PCDHA10: variants seen among roughly 807,000 people sequenced by gnomAD.
PCDHA10 encodes the protein protocadherin alpha-10.
In PCDHA10, 45 loss-of-function variants were observed where a neutral mutation model predicts 61.2. The ratio of observed to expected loss-of-function variants is 0.74; its 90% CI spans 0.58 to 0.94. PCDHA10 has a LOEUF of 0.94. Ranked by LOEUF, PCDHA10 falls within the 40% of genes least tolerant of loss-of-function variation. The pLI is 0.00. For synonymous variants in PCDHA10, 602 were observed against 548.8 expected (o/e 1.10, Z -1.35); for missense variants, 1,278 against 1,236.2 (o/e 1.03, Z -0.51).
chr5:140,959,320 A>C (rs2095480939), intron 1 of PCDHA10, among the ~76,000 whole-genome samples: 1 of 152,108 alleles, frequency 6.6e-6, no homozygotes, highest in Non-Finnish European at 1.5e-5. Context: ...AGCTGCAATA[A>C]GTTTTGATTA....
At chr5:140,951,626 C>G (rs1182328214) in intron 1 of PCDHA10, among the ~76,000 whole-genome samples, 1 of 152,180 alleles carries the variant, frequency 6.6e-6, no homozygotes, top group East Asian at 1.9e-4. Context: ...AAGGGGGAAA[C>G]CTGCCCCATG....
At chr5:140,866,935 T>C (rs782742299) in intron 1 of PCDHA10, 3 of 152,114 alleles carry the variant, frequency 2.0e-5, no homozygotes, top group African/African-American at 4.8e-5. Context: ...GCGCATAATC[T>C]CTTCACTAGG....
intron 1 of PCDHA10, among the ~76,000 whole-genome samples, chr5:140,957,961 G>C (rs1188264296): frequency 6.6e-6 from 1 of 152,048 alleles, no homozygotes; most frequent in Non-Finnish European, 1.5e-5. Flanking sequence ...TATTAATTCA[G>C]AGATGCTGTA....
At chr5:140,973,984 C>CT (rs2096610197) in intron 1 of PCDHA10, among the ~76,000 whole-genome samples, 1 of 152,186 alleles carries the variant, frequency 6.6e-6, no homozygotes, top group East Asian at 1.9e-4. Flanking sequence ...TTTTACAGAA[C>CT]TTCACCTGGA....
chr5:140,951,008 G>A (rs563188363), intron 1 of PCDHA10, among the ~76,000 whole-genome samples: 2 of 151,974 alleles, frequency 1.3e-5, no homozygotes, highest in South Asian at 4.2e-4. Flanking sequence ...TTTTTCCCAA[G>A]ATCAGGCAGT....
chr5:140,993,462 TCACACACACACACACA>T (rs3836747), intron 3 of PCDHA10, among the ~76,000 whole-genome samples: 191 of 141,044 alleles, frequency 1.4e-3, no homozygotes, highest in African/African-American at 3.8e-3. Context: ...TCTTTCTTTC[TCACACACACACACACA>T]CACACACACA....
chr5:141,004,037 G>C (rs946974688), intron 3 of PCDHA10, among the ~76,000 whole-genome samples: 1 of 152,200 alleles, frequency 6.6e-6, no homozygotes, highest in African/African-American at 2.4e-5. Context: ...TTCCTTGATT[G>C]ATCATTTGCT....
chr5:140,913,781 A>G (rs1554196050), intron 1 of PCDHA10, among the ~76,000 whole-genome samples: 2 of 151,976 alleles, frequency 1.3e-5, no homozygotes, highest in African/African-American at 4.8e-5. Flanking sequence ...TTGTGTTTCC[A>G]TTATCATTTG....
intron 1 of PCDHA10, among the ~76,000 whole-genome samples, chr5:140,948,600 A>G (rs1369107358): frequency 6.6e-6 from 1 of 151,576 alleles, no homozygotes; most frequent in African/African-American, 2.4e-5. Flanking sequence ...TCAATTTATC[A>G]TATTTTTGGC....
intron 1 of PCDHA10, among the ~76,000 whole-genome samples, chr5:140,937,338 C>T (rs1554211545): frequency 1.3e-5 from 2 of 151,992 alleles, no homozygotes; most frequent in Non-Finnish European, 2.9e-5. Flanking sequence ...CGCCCGGCTT[C>T]TTCCATTTAT....
chr5:140,947,038 A>G (rs2094072618), intron 1 of PCDHA10, among the ~76,000 whole-genome samples: 1 of 151,776 alleles, frequency 6.6e-6, no homozygotes, highest in Admixed American at 6.6e-5. Context: ...TATACTAATT[A>G]CCCTGATTTG....
chr5:140,980,036 G>A (rs952735379), intron 2 of PCDHA10, among the ~76,000 whole-genome samples: 9 of 152,294 alleles, frequency 5.9e-5, no homozygotes, highest in Non-Finnish European at 1.0e-4. Flanking sequence ...ATTACATTGG[G>A]TGCTATTTCT....
At chr5:140,923,376 A>T (rs1331786466) in intron 1 of PCDHA10, among the ~76,000 whole-genome samples, 5 of 152,086 alleles carry the variant, frequency 3.3e-5, no homozygotes, top group Non-Finnish European at 7.3e-5. Flanking sequence ...ATATTTTTAA[A>T]AATTAGTTGG....
At chr5:140,914,710 G>T (rs879987412) in intron 1 of PCDHA10, among the ~76,000 whole-genome samples, 22 of 151,256 alleles carry the variant, frequency 1.5e-4, no homozygotes, top group Non-Finnish European at 2.4e-4. Flanking sequence ...TTAATTTCTT[G>T]TTTTTTATTT....
chr5:140,916,143 T>C (rs1237563249), intron 1 of PCDHA10, among the ~76,000 whole-genome samples: 3 of 152,012 alleles, frequency 2.0e-5, no homozygotes, highest in African/African-American at 7.2e-5. Flanking sequence ...GCTGTTCAGT[T>C]GTGTTGTGGT....
At chr5:140,883,922 C>T in intron 1 of PCDHA10, 1 of 1,613,240 alleles carries the variant, frequency 6.2e-7, no homozygotes, top group Non-Finnish European at 8.5e-7. Context: ...CGTGACGCTG[C>T]AGGTGTTCGT....
At chr5:140,866,433 C>CTGAA (rs1217236180) in intron 1 of PCDHA10, 1 of 151,814 alleles carries the variant, frequency 6.6e-6, no homozygotes, top group Non-Finnish European at 1.5e-5. Context: ...GTCTTTCAGT[C>CTGAA]TTCTTCAGTC....
rs148608291 is a variant in PCDHA10, at chr5:140,870,364, G to A, written c.2388+11928G>A. The stretch of plus-strand genomic sequence containing the variant: ...GGACCGCGAGAACGTGTGGGCCTAT[G>A]AACTGGTGGTGACTGCGCGGGATGG... On this transcript the variant is annotated intron_variant, in intron 1 of 3. Transcript: ENST00000307360. 1,110 of 1,614,212 alleles carry A rather than the reference G, an allele frequency of 6.9e-4. 2 individuals are homozygous for A. The highest frequency in any genetic ancestry group is 9.1e-4 in the Non-Finnish European group (1,069 of 1,180,030).
At chr5:140,906,719 T>C (rs1282384270) in intron 1 of PCDHA10, among the ~76,000 whole-genome samples, 1 of 152,218 alleles carries the variant, frequency 6.6e-6, no homozygotes, top group East Asian at 1.9e-4. Flanking sequence ...GCCTGGATTG[T>C]GCTGTTGTAG....
Sources: allele counts gnomAD v4.1 joint callset (sites outside exome capture counted in the v4.1 genomes callset), GRCh38; gene constraint gnomAD v4.1.1; transcripts MANE v1.5; gene names NCBI Gene and HGNC (gene_info 2026-07-23, HGNC 2026-07-21).